The following KIF26B variants were observed in gnomAD, a reference collection of about 807,000 sequenced individuals.
The protein encoded by KIF26B is kinesin-like protein KIF26B.
A neutral mutation model predicts 151.2 loss-of-function variants in KIF26B; 63 were observed. That is an observed-to-expected ratio of 0.42 (90% CI 0.34 to 0.51). The LOEUF is 0.51. KIF26B is among the 20% of genes least tolerant of loss of function. The probability of loss-of-function intolerance (pLI) is 0.07; values close to 1 mark genes in which losing one functional copy is unlikely to be tolerated. For missense variants in KIF26B, 2,813 were observed against 2,913.6 expected (o/e 0.97, Z 0.79); for synonymous variants, 1,357 against 1,262.1 (o/e 1.08, Z -1.59).
At chr1:245,266,060 A>G (rs1670739795) in intron 2 of KIF26B, among the ~76,000 whole-genome samples, 1 of 152,244 alleles carries the variant, frequency 6.6e-6, no homozygotes, top group African/African-American at 2.4e-5. Flanking sequence ...TGCAATATAT[A>G]TAACTGAAAA....
intron 4 of KIF26B, among the ~76,000 whole-genome samples, chr1:245,504,622 G>A (rs1364713778): frequency 6.6e-6 from 1 of 151,630 alleles, no homozygotes; most frequent in Non-Finnish European, 1.5e-5. Flanking sequence ...TAATTTTTTT[G>A]TGCAGATAGT....
At chr1:245,496,805 C>T (rs760962690) in intron 4 of KIF26B, among the ~76,000 whole-genome samples, 74 of 151,786 alleles carry the variant, frequency 4.9e-4, no homozygotes, top group African/African-American at 1.2e-3. Flanking sequence ...TTATAAGAGA[C>T]GCTTCATAAA....
chr1:245,326,904 A>G, intron 2 of KIF26B, among the ~76,000 whole-genome samples: 1 of 152,186 alleles, frequency 6.6e-6, no homozygotes, highest in Non-Finnish European at 1.5e-5. Context: ...AGGCCAAGGG[A>G]TTAGTGGGAA....
At chr1:245,214,944 G>C (rs1043441071) in intron 2 of KIF26B, among the ~76,000 whole-genome samples, 1 of 152,176 alleles carries the variant, frequency 6.6e-6, no homozygotes, top group Middle Eastern at 3.2e-3. Flanking sequence ...GTTAAGAAGA[G>C]GGAGGCATCT....
chr1:245,328,810 C>T (rs1346392968), intron 2 of KIF26B, among the ~76,000 whole-genome samples: 3 of 152,148 alleles, frequency 2.0e-5, no homozygotes, highest in East Asian at 1.9e-4. Flanking sequence ...TGTCGCTCAT[C>T]GAGAACTCGT....
At chr1:245,355,460 G>A (rs1672671767) in intron 2 of KIF26B, among the ~76,000 whole-genome samples, 1 of 151,980 alleles carries the variant, frequency 6.6e-6, no homozygotes, top group Non-Finnish European at 1.5e-5. Context: ...GCCAGGCATG[G>A]TGGTGTGCAG....
Position 245,687,396 on chromosome 1 carries a change from T to A in KIF26B, c.4413T>A (p.Asn1471Lys). ...MRCETATGPS[N>K]AETRAEQEQD... The stretch of plus-strand genomic sequence containing the variant: ...GTGAGACTGCCACGGGCCCCTCGAA[T>A]GCTGAGACCAGAGCAGAGCAGGAGC... Residue 1471 changes from asparagine to lysine, a missense_variant, in exon 12 of 15, where the codon AAT becomes AAA. Transcript: ENST00000407071. The surrounding 1 kb of genome is among the most constrained non-coding windows in gnomAD (Gnocchi z 4.9). 6.3e-7 allele frequency: 1 copy of A among 1,588,980 alleles called. No individual in the cohort carries two copies. The highest frequency in any genetic ancestry group is 8.6e-7 in the Non-Finnish European group (1 of 1,168,050).
intron 12 of KIF26B, among the ~76,000 whole-genome samples, 175 bp downstream of exon 12, chr1:245,688,982 G>T (rs1227748792): frequency 6.6e-6 from 1 of 151,828 alleles, no homozygotes; most frequent in Admixed American, 6.5e-5. Flanking sequence ...CCCTGGGGAG[G>T]GGGCGTCCAG....
In KIF26B at chr1:245,700,403, A is replaced by G. The variant is rs558635057; in HGVS notation, c.6178+1366A>G. Among the ~76,000 whole-genome samples, 543 of 152,222 alleles carry G rather than the reference A, an allele frequency of 3.6e-3. 1 individual carries two copies. Among genetic ancestry groups the G allele is most frequent in the Middle Eastern group, 0.017 (5 of 294 alleles). On this transcript the variant is annotated intron_variant, in intron 14 of 14. Coordinates refer to ENST00000407071, the MANE Select transcript of KIF26B (RefSeq NM_018012.4). ...ATCCCAAAGTTCAACAACAGGAGAC[A>G]TTTCCTGGCCAGGCACGGTGGCTCA...
chr1:245,265,657 C>T (rs1054202935), intron 2 of KIF26B, among the ~76,000 whole-genome samples: 4 of 150,606 alleles, frequency 2.7e-5, no homozygotes, highest in Admixed American at 1.3e-4. Context: ...GCGTGATCAG[C>T]GCTCACTGCA....
At chr1:245,559,241 G>C (rs1190596385) in intron 5 of KIF26B, among the ~76,000 whole-genome samples, 1 of 152,194 alleles carries the variant, frequency 6.6e-6, no homozygotes. Flanking sequence ...CTAAGGCTGA[G>C]ACAGGAGAAT....
intron 4 of KIF26B, among the ~76,000 whole-genome samples, chr1:245,499,731 T>C (rs1660582734): frequency 6.6e-6 from 1 of 152,246 alleles, no homozygotes; most frequent in Non-Finnish European, 1.5e-5. Context: ...TGGCACTCCG[T>C]TAGCCAATTG....
chr1:245,565,298 T>TG (rs1322312492), intron 5 of KIF26B, among the ~76,000 whole-genome samples: 1 of 151,578 alleles, frequency 6.6e-6, no homozygotes, highest in Non-Finnish European at 1.5e-5. Flanking sequence ...TTTTTGTTTT[T>TG]TTTATTTTGA....
At chr1:245,467,854 C>T (rs1287426283) in intron 4 of KIF26B, among the ~76,000 whole-genome samples, 3 of 151,110 alleles carry the variant, frequency 2.0e-5, no homozygotes, top group Non-Finnish European at 4.4e-5. Context: ...GAGATCTTGC[C>T]ACTGCATTCC....
intron 4 of KIF26B, among the ~76,000 whole-genome samples, chr1:245,507,409 G>T (rs780744451): frequency 6.6e-6 from 1 of 152,210 alleles, no homozygotes; most frequent in Non-Finnish European, 1.5e-5. Context: ...ACAGGGAAGC[G>T]CTGGAGCATA....
intron 2 of KIF26B, among the ~76,000 whole-genome samples, chr1:245,354,309 A>G (rs2103002115): frequency 6.6e-6 from 1 of 152,288 alleles, no homozygotes; most frequent in East Asian, 1.9e-4. Flanking sequence ...ATCCGGCCAG[A>G]GGCTTGAAGT....
At chr1:245,431,646 T>G (rs1014808681) in intron 4 of KIF26B, among the ~76,000 whole-genome samples, 7 of 150,722 alleles carry the variant, frequency 4.6e-5, no homozygotes, top group Admixed American at 2.0e-4. Context: ...GCCCAGCCAA[T>G]TTTTATATTT....
intron 2 of KIF26B, among the ~76,000 whole-genome samples, chr1:245,243,548 T>C (rs1320313545): frequency 6.6e-6 from 1 of 152,124 alleles, no homozygotes; most frequent in Admixed American, 6.6e-5. Context: ...CAGTCTGTGG[T>C]TGGTCTTTTC....
intron 3 of KIF26B, among the ~76,000 whole-genome samples, chr1:245,409,493 G>A (rs921315291): frequency 6.6e-6 from 1 of 152,182 alleles, no homozygotes; most frequent in African/African-American, 2.4e-5. Flanking sequence ...AAGGCAGAGT[G>A]CTGGAGGTAG....
Sources: allele counts gnomAD v4.1 joint callset (sites outside exome capture counted in the v4.1 genomes callset), GRCh38; gene constraint gnomAD v4.1.1; non-coding constraint Gnocchi (gnomAD v3.1); transcripts MANE v1.5; gene names NCBI Gene and HGNC (gene_info 2026-07-23, HGNC 2026-07-21).